The following PRKAB2 variants were observed in gnomAD, a reference collection of about 807,000 sequenced individuals.
PRKAB2 encodes 5'-AMP-activated protein kinase subunit beta-2.
PRKAB2 carries 18 observed loss-of-function variants against 29.8 expected under a neutral mutation model. The observed-to-expected ratio is 0.60, with a 90% CI of 0.42 to 0.89. The LOEUF is 0.89. PRKAB2 is among the 40% of genes least tolerant of loss of function. The pLI, the probability that PRKAB2 is intolerant of heterozygous loss-of-function variation, is 0.00. For synonymous variants in PRKAB2, 136 were observed against 125.9 expected, an observed-to-expected ratio of 1.08 and a Z score of -0.54; for missense variants, 270 against 344.3, an observed-to-expected ratio of 0.78 and a Z score of 1.71.
At chr1:147,164,841 G>A (rs1236517831) in intron 5 of PRKAB2, among the ~76,000 whole-genome samples, 1 of 152,174 alleles carries the variant, frequency 6.6e-6, no homozygotes, top group Non-Finnish European at 1.5e-5. Context: ...ATATAATTAT[G>A]ATACATGTCT....
In PRKAB2 at chr1:147,155,227, A is replaced by T. The variant is rs587637372; in HGVS notation, c.*4338T>A. The stretch of plus-strand genomic sequence containing the variant: ...CAGTGACAAATTACGTTTGAAGAAC[A>T]GCTTTAAAATCCACTCTTGTCTGCC... On this transcript the variant is annotated 3_prime_UTR_variant, in exon 8 of 8. Transcript: ENST00000254101. 6.6e-6 allele frequency: 1 copy of T among 152,138 alleles called. No homozygotes were observed. Among genetic ancestry groups the T allele is most frequent in the Non-Finnish European group, 1.5e-5 (1 of 68,014 alleles). The allele number at this position is 152,138 out of a possible 1,614,324, so 9.4% of individuals were successfully genotyped here.
chr1:147,166,068 A>C (rs1229670507), intron 5 of PRKAB2, among the ~76,000 whole-genome samples: 1 of 152,164 alleles, frequency 6.6e-6, no homozygotes, highest in Non-Finnish European at 1.5e-5. Context: ...TAAAATCATG[A>C]AACTGCTAAC....
rs782619139 is a variant in PRKAB2, at chr1:147,172,062, G to A, written c.83C>T (p.Ala28Val). The change falls in exon 2 of 8, where the codon GCC (alanine) becomes GTC (valine). Residue 28 changes from alanine to valine, a missense_variant. This residue lies in a region of PRKAB2 where 228 missense variants were observed against 255.5 expected (regional missense o/e 0.89). Coordinates refer to ENST00000254101, the MANE Select transcript of PRKAB2 (RefSeq NM_005399.5). ...AARSEGAGGH[A>V]PGKEHKIMVG... Reference sequence around the variant, plus strand: ...CATGATCTTGTGCTCCTTCCCCGGGGCATGGCCGCCTGCGCCCTCGGAGCG... The same window carrying A: ...CATGATCTTGTGCTCCTTCCCCGGGACATGGCCGCCTGCGCCCTCGGAGCG... 10 of 1,579,736 alleles carry A rather than the reference G, an allele frequency of 6.3e-6. No homozygotes were observed. Among genetic ancestry groups the A allele is most frequent in the African/African-American group, 1.4e-5 (1 of 73,796 alleles).
chr1:147,166,400 T>A, intron 5 of PRKAB2, 98 bp downstream of exon 5: 1 of 1,290,938 alleles, frequency 7.7e-7, no homozygotes, highest in Non-Finnish European at 1.0e-6. Flanking sequence ...AACCCCCTGC[T>A]CTCTCTCTCC....
At chr1:147,164,167 G>A (rs1361896344) in intron 5 of PRKAB2, among the ~76,000 whole-genome samples, 1 of 151,976 alleles carries the variant, frequency 6.6e-6, no homozygotes, top group East Asian at 1.9e-4. Context: ...TCAAACTCCT[G>A]GACTCAAGTG....
chr1:147,162,512 T>G lies in PRKAB2; in HGVS notation c.600A>C (p.Glu200Asp). ...GAAGGATGGGTGGGGATTTGAATCT[T>G]TCCTCAGATCGAAACGCATACATTT... Reference protein sequence around the residue: ...GQEMYAFRSEERFKSPPILPP... With the variant: ...GQEMYAFRSEDRFKSPPILPP... Residue 200 changes from glutamate to aspartate, a missense_variant, in exon 6 of 8, where the codon GAA becomes GAC. Transcript: ENST00000254101. 2 of 1,612,036 alleles carry G rather than the reference T, an allele frequency of 1.2e-6. No individual in the cohort carries two copies. Among genetic ancestry groups the G allele is most frequent in the Non-Finnish European group, 1.7e-6 (2 of 1,178,224 alleles).
At chr1:147,162,265 C>T (rs1654008818) in intron 6 of PRKAB2, among the ~76,000 whole-genome samples, 175 bp downstream of exon 6, 1 of 152,058 alleles carries the variant, frequency 6.6e-6, no homozygotes, top group South Asian at 2.1e-4. Context: ...TATATCAGTA[C>T]CTGAAAAAGC....
chr1:147,170,592 T>G (rs1166545597), intron 2 of PRKAB2, among the ~76,000 whole-genome samples: 1 of 149,890 alleles, frequency 6.7e-6, no homozygotes, highest in African/African-American at 2.5e-5. Flanking sequence ...TTTTTGTTTT[T>G]TTGTTTTTTT....
intron 5 of PRKAB2, among the ~76,000 whole-genome samples, chr1:147,165,770 C>T (rs1395033168): frequency 7.3e-5 from 11 of 151,590 alleles, no homozygotes; most frequent in African/African-American, 2.4e-4. Context: ...TTTCAATTAC[C>T]TACAACAGAA....
chr1:147,170,592 T>TTTG (rs1654474867), intron 2 of PRKAB2, among the ~76,000 whole-genome samples: 2 of 149,890 alleles, frequency 1.3e-5, no homozygotes, highest in South Asian at 4.4e-4. Context: ...TTTTTGTTTT[T>TTTG]TTGTTTTTTT....
intron 5 of PRKAB2, among the ~76,000 whole-genome samples, chr1:147,163,497 C>T (rs1309579099): frequency 6.6e-6 from 1 of 152,180 alleles, no homozygotes; most frequent in Non-Finnish European, 1.5e-5. Context: ...ACACAATGGG[C>T]TCTTATTCAG....
intron 6 of PRKAB2, among the ~76,000 whole-genome samples, chr1:147,162,210 C>T (rs139909367): frequency 4.2e-4 from 64 of 152,292 alleles, no homozygotes; most frequent in Non-Finnish European, 7.8e-4. Flanking sequence ...AAGTCCATAG[C>T]TCTGATCCTG....
rs1293174847 is a variant in PRKAB2 at position 147,156,900 on chromosome 1, G to GTAGTTT, written c.*2664_*2665insAAACTA. ...TTTTTAAAAGAGATCATTTTCAGTT[G>GTAGTTT]TAAGTTACTCAACCCTTTATTCTAT... On this transcript the variant is annotated 3_prime_UTR_variant, in exon 8 of 8. Coordinates refer to ENST00000254101, the MANE Select transcript of PRKAB2 (RefSeq NM_005399.5). 4 of 152,010 alleles carry GTAGTTT rather than the reference G, an allele frequency of 2.6e-5. No individual in the cohort carries two copies. Among genetic ancestry groups the GTAGTTT allele is most frequent in the Non-Finnish European group, 5.9e-5 (4 of 67,956 alleles). The allele number at this position is 152,010 out of a possible 1,614,324, so 9.4% of individuals were successfully genotyped here. A position where few individuals can be genotyped will look rare whatever the true frequency, so the allele number is the denominator to read the frequency against.
intron 6 of PRKAB2, among the ~76,000 whole-genome samples, chr1:147,162,110 AAT>A (rs1553913156): frequency 1.3e-5 from 2 of 152,214 alleles, no homozygotes; most frequent in African/African-American, 2.4e-5. Flanking sequence ...AAGTAGATTG[AAT>A]AGAGACATGA....
intron 2 of PRKAB2, among the ~76,000 whole-genome samples, chr1:147,170,229 T>C (rs1571068338): frequency 6.6e-6 from 1 of 152,302 alleles, no homozygotes; most frequent in East Asian, 1.9e-4. Context: ...AATTATCTGA[T>C]TTTCAGACAA....
Position 147,159,537 on chromosome 1 carries a change from G to C in PRKAB2, c.*28C>G. 4 of 1,592,332 alleles carry C rather than the reference G, an allele frequency of 2.5e-6. No homozygotes were observed. The highest frequency in any genetic ancestry group is 3.4e-6 in the Non-Finnish European group (4 of 1,161,168). The stretch of plus-strand genomic sequence containing the variant: ...GAAATGCAAGGGAGATGCTTCTCCT[G>C]AATCCTTAGAGGCAAGAAGGGATCC... On this transcript the variant is annotated 3_prime_UTR_variant, in exon 8 of 8. Transcript: ENST00000254101.
chr1:147,164,784 G>T (rs937257470), intron 5 of PRKAB2, among the ~76,000 whole-genome samples: 1 of 152,156 alleles, frequency 6.6e-6, no homozygotes, highest in Non-Finnish European at 1.5e-5. Context: ...AATAGATTGG[G>T]AAATTAGGAG....
chr1:147,161,952 C>G (rs1553913138), intron 6 of PRKAB2, among the ~76,000 whole-genome samples, 172 bp from the exon 7 acceptor site: 2 of 152,136 alleles, frequency 1.3e-5, no homozygotes, highest in African/African-American at 4.8e-5. Context: ...AATCCTATTA[C>G]AGAAAATTAG....
rs116662398 is a variant in PRKAB2 at position 147,159,994 on chromosome 1, A to G, written c.742-352T>C. Reference sequence around the variant, plus strand: ...TGCTCCCTTCCCTACTTTAAATTCTAATGTTGGGCCTAAAACTAGCAAGAA... The same window carrying G: ...TGCTCCCTTCCCTACTTTAAATTCTGATGTTGGGCCTAAAACTAGCAAGAA... On this transcript the variant is annotated intron_variant, in intron 7 of 7. Coordinates refer to ENST00000254101, the MANE Select transcript of PRKAB2 (RefSeq NM_005399.5). 7.0e-3 allele frequency among the ~76,000 whole-genome samples: 1,067 copies of G among 152,270 alleles called. 12 individuals are homozygous for G. Among genetic ancestry groups the G allele is most frequent in the African/African-American group, 0.025 (1,025 of 41,560 alleles).
Sources: gnomAD v4.1 joint callset for allele counts (sites outside exome capture counted in the v4.1 genomes callset) on GRCh38, gnomAD v4.1.1 for gene constraint, gnomAD v4.1.1 regional missense constraint, MANE v1.5 for transcripts, NCBI Gene and HGNC (gene_info 2026-07-23, HGNC 2026-07-21) for gene names.